Variants in SLC20A2 observed in about 807,000 individuals in gnomAD.
SLC20A2 encodes sodium-dependent phosphate transporter 2.
A neutral mutation model predicts 61.0 loss-of-function variants in SLC20A2; 30 were observed. The observed-to-expected ratio is 0.49, with a 90% CI of 0.37 to 0.67. The LOEUF (loss-of-function observed/expected upper bound fraction) is 0.67. Among genes scored for constraint, SLC20A2 ranks in the 30% least tolerant of loss-of-function variants. The pLI is 0.00. For missense variants in SLC20A2, 626 were observed against 866.4 expected (o/e 0.72, Z 3.48); for synonymous variants, 351 against 353.3 (o/e 0.99, Z 0.07).
At chr8:42,523,538 A>G (rs1811732127) in intron 1 of SLC20A2, among the ~76,000 whole-genome samples, 1 of 152,182 alleles carries the variant, frequency 6.6e-6, no homozygotes, top group African/African-American at 2.4e-5. Context: ...AGAAAAGACA[A>G]TATTTAAAAC....
At chr8:42,476,888 C>T (rs1157208302) in intron 1 of SLC20A2, among the ~76,000 whole-genome samples, 4 of 152,316 alleles carry the variant, frequency 2.6e-5, no homozygotes, top group Middle Eastern at 3.4e-3. Flanking sequence ...CATTCCCGTC[C>T]GGCCAGCTCC....
chr8:42,537,940 G>A (rs889040675), intron 1 of SLC20A2: 6 of 152,148 alleles, frequency 3.9e-5, no homozygotes, highest in Non-Finnish European at 8.8e-5. Flanking sequence ...TTTCCGGTAC[G>A]ATCTTGAGCA....
rs368066867 is a variant in SLC20A2 at position 42,439,440 on chromosome 8, C to T, written c.934+10G>A. On this transcript the variant is annotated intron_variant, in intron 7 of 10. Transcript: ENST00000520262. ...TGCCACAGAACCCAAGCTCTCCAGG[C>T]ACATCTTACCGTATGCAGCCCGAGG... 3.1e-4 allele frequency: 495 copies of T among 1,612,520 alleles called. 1 individual carries two copies. The highest frequency in any genetic ancestry group is 3.8e-4 in the Non-Finnish European group (445 of 1,179,918).
chr8:42,472,663 G>A lies in SLC20A2; in HGVS notation c.-264-9C>T. On this transcript the variant is annotated splice_polypyrimidine_tract_variant and intron_variant, in intron 1 of 10. Transcript: ENST00000520262. The surrounding 1 kb of genome is among the most constrained non-coding windows in gnomAD (Gnocchi z 4.1). ...AGCTGTGATGTCTCCTCCTGTAGCA[G>A]AAAGGAAACAAAAGAAATCAATTAT... is the stretch of plus-strand genomic sequence containing the variant. 2.6e-6 allele frequency: 1 copy of A among 386,330 alleles called. No individual in the cohort carries two copies. The highest frequency in any genetic ancestry group is 4.7e-6 in the Non-Finnish European group (1 of 211,758). The allele number at this position is 386,330 out of a possible 1,614,324, so 23.9% of individuals were successfully genotyped here. A position where few individuals can be genotyped will look rare whatever the true frequency, so the allele number is the denominator to read the frequency against.
At chr8:42,474,269 CT>C (rs1262006645) in intron 1 of SLC20A2, among the ~76,000 whole-genome samples, 1 of 152,084 alleles carries the variant, frequency 6.6e-6, no homozygotes, top group Non-Finnish European at 1.5e-5. Context: ...CAATTTTTTC[CT>C]TTCCTCCCCA....
chr8:42,522,880 A>AT (rs1375493394), intron 1 of SLC20A2, among the ~76,000 whole-genome samples: 2 of 54,182 alleles, frequency 3.7e-5, no homozygotes, highest in South Asian at 1.7e-3. Context: ...AATAATAATA[A>AT]AAAAAAAAAA....
chr8:42,475,728 C>G (rs2131247033), intron 1 of SLC20A2, among the ~76,000 whole-genome samples: 1 of 151,832 alleles, frequency 6.6e-6, no homozygotes, highest in Admixed American at 6.6e-5. Context: ...ATCCTTCTGG[C>G]TGCAGTGTGG....
At chr8:42,527,190 G>A (rs1177788827) in intron 1 of SLC20A2, among the ~76,000 whole-genome samples, 1 of 151,684 alleles carries the variant, frequency 6.6e-6, no homozygotes, top group South Asian at 2.1e-4. Flanking sequence ...CAGATCACCA[G>A]GTCAGGAGTG....
Position 42,466,545 on chromosome 8 carries a change from AAT to A in SLC20A2, c.290-630_290-629del, listed in dbSNP as rs538144540. On this transcript the variant is annotated intron_variant, in intron 2 of 10. Coordinates refer to ENST00000520262, the MANE Select transcript of SLC20A2 (RefSeq NM_001257180.2). ...ATGAACACAGAAAGACTAGAAAGGC[AAT>A]ATATTGGGAAAAGATTTTGTTGTAG... 1.4e-3 allele frequency among the ~76,000 whole-genome samples: 209 copies of A among 152,370 alleles called. 1 individual carries two copies. The highest frequency in any genetic ancestry group is 4.8e-3 in the African/African-American group (201 of 41,580).
chr8:42,417,903 C>T lies in SLC20A2; in HGVS notation c.1859G>A (p.Arg620Gln), dbSNP rs758357927. Reference sequence around the variant, plus strand: ...CACGAACCAGGCCACGAAGATGTTCCGAAAGAGGCGCCAGTCCACAGCCTT... The same window carrying T: ...CACGAACCAGGCCACGAAGATGTTCTGAAAGAGGCGCCAGTCCACAGCCTT... ...SRKAVDWRLFRNIFVAWFVTV... is the reference protein window; with the variant it reads ...SRKAVDWRLFQNIFVAWFVTV... The change falls in exon 11 of 11, where the codon CGG becomes CAG. Residue 620 changes from arginine to glutamine, a missense_variant. Arg to Gln is a conservative substitution (Grantham distance 43). This residue lies in a region of SLC20A2 where 138 missense variants were observed against 228.7 expected (regional missense o/e 0.60). Transcript: ENST00000520262. 1.1e-5 allele frequency: 18 copies of T among 1,613,958 alleles called. No homozygotes were observed. The highest frequency in any genetic ancestry group is 1.4e-5 in the Non-Finnish European group (16 of 1,179,956).
intron 1 of SLC20A2, chr8:42,534,869 ACCT>A (rs968284107): frequency 3.0e-4 from 46 of 152,318 alleles, no homozygotes; most frequent in African/African-American, 1.1e-3. Flanking sequence ...CACTGTTGTT[ACCT>A]CCTATTTCTC....
chr8:42,458,820 A>G (rs1806427434), intron 5 of SLC20A2, among the ~76,000 whole-genome samples: 2 of 151,400 alleles, frequency 1.3e-5, no homozygotes, highest in African/African-American at 4.9e-5. Flanking sequence ...GAGGCAGGAG[A>G]ATGGCATGAA....
At chr8:42,478,373 G>A (rs1021304607) in intron 1 of SLC20A2, among the ~76,000 whole-genome samples, 7 of 151,036 alleles carry the variant, frequency 4.6e-5, no homozygotes, top group Admixed American at 1.3e-4. Context: ...TTCCTCCTCC[G>A]GCTAATTTTT....
chr8:42,453,616 T>C (rs1437761819), intron 5 of SLC20A2, among the ~76,000 whole-genome samples: 1 of 152,174 alleles, frequency 6.6e-6, no homozygotes, highest in African/African-American at 2.4e-5. Flanking sequence ...ACAAAATACC[T>C]TCAAGGCTTA....
intron 7 of SLC20A2, among the ~76,000 whole-genome samples, chr8:42,438,079 A>AAAAAAAAAAAAAAAAAC (rs1804477270): frequency 6.8e-6 from 1 of 147,906 alleles, no homozygotes; most frequent in African/African-American, 2.5e-5. Context: ...AAAAAAAAAA[A>AAAAAAAAAAAAAAAAAC]AAAAAAAAAA....
chr8:42,529,774 C>T (rs1250843231), intron 1 of SLC20A2, among the ~76,000 whole-genome samples: 1 of 152,190 alleles, frequency 6.6e-6, no homozygotes, highest in African/African-American at 2.4e-5. Context: ...TCATCACCAG[C>T]TTAAACTAAG....
rs72643247 is a variant in SLC20A2 at position 42,529,528 on chromosome 8, A to C, written c.-265+12293T>G. On this transcript the variant is annotated intron_variant, in intron 1 of 10. Coordinates refer to the SLC20A2 transcript ENST00000342228. Reference sequence around the variant, plus strand: ...AATGGAAACTGTTACTATTAATAGCATAGTAAATAGCCAAGAAAAACTAAA... The same window carrying C: ...AATGGAAACTGTTACTATTAATAGCCTAGTAAATAGCCAAGAAAAACTAAA... Among the ~76,000 whole-genome samples the C allele has an allele frequency of 9.6e-3, 1,454 of 152,042 alleles. 14 individuals carry two copies. The highest frequency in any genetic ancestry group is 0.014 in the Non-Finnish European group (939 of 67,982).
intron 5 of SLC20A2, among the ~76,000 whole-genome samples, chr8:42,451,745 TGGA>T (rs1805686055): frequency 1.5e-5 from 1 of 66,192 alleles, no homozygotes; most frequent in Non-Finnish European, 2.8e-5. Context: ...GAGGAAAAGA[TGGA>T]GGAGGAGGAG....
intron 5 of SLC20A2, among the ~76,000 whole-genome samples, chr8:42,447,183 T>C (rs1349939151): frequency 6.6e-6 from 1 of 151,090 alleles, no homozygotes; most frequent in Non-Finnish European, 1.5e-5. Flanking sequence ...CTCTACAAAA[T>C]AAAAACAAAA....
Sources: allele counts gnomAD v4.1 joint callset (sites outside exome capture counted in the v4.1 genomes callset), GRCh38; gene constraint gnomAD v4.1.1; regional missense constraint gnomAD v4.1.1; non-coding constraint Gnocchi (gnomAD v3.1); transcripts MANE v1.5; gene names NCBI Gene and HGNC (gene_info 2026-07-23, HGNC 2026-07-21).